LMX1A: variants seen among roughly 807,000 people sequenced by gnomAD.
The protein encoded by LMX1A is LIM homeobox transcription factor 1-alpha.
A neutral mutation model predicts 49.1 loss-of-function variants in LMX1A; 15 were observed. The observed-to-expected ratio is 0.31, with a 90% CI of 0.20 to 0.47. The LOEUF (loss-of-function observed/expected upper bound fraction) is 0.47. Among genes scored for constraint, LMX1A ranks in the 20% least tolerant of loss-of-function variants. LMX1A has a pLI of 1.00. For missense variants in LMX1A, 372 were observed against 475.8 expected (o/e 0.78, Z 2.03); for synonymous variants, 167 against 185.7 (o/e 0.90, Z 0.82).
chr1:165,273,078 A>C (rs1339743385), intron 3 of LMX1A, among the ~76,000 whole-genome samples: 2 of 152,194 alleles, frequency 1.3e-5, no homozygotes, highest in Non-Finnish European at 2.9e-5. Flanking sequence ...AGGAGCTCTA[A>C]GTGCTCTCCT....
chr1:165,286,543 T>G (rs1654308767), intron 3 of LMX1A, among the ~76,000 whole-genome samples: 1 of 152,180 alleles, frequency 6.6e-6, no homozygotes, highest in Non-Finnish European at 1.5e-5. Flanking sequence ...TGTGCCTCAG[T>G]TTCCCCTGAT....
intron 3 of LMX1A, among the ~76,000 whole-genome samples, chr1:165,251,841 C>A (rs1346116683): frequency 6.6e-6 from 1 of 152,172 alleles, no homozygotes; most frequent in Non-Finnish European, 1.5e-5. Context: ...CAGGAACTAT[C>A]TCTGTGGGTC....
In LMX1A at chr1:165,327,194, A is replaced by G. The variant is rs535411798; in HGVS notation, c.263+25882T>C. 5.3e-5 allele frequency among the ~76,000 whole-genome samples: 8 copies of G among 152,300 alleles called. 1 individual carries two copies. The highest frequency in any genetic ancestry group is 1.9e-4 in the African/African-American group (8 of 41,568). On this transcript the variant is annotated intron_variant, in intron 3 of 8. Coordinates refer to ENST00000342310, the MANE Select transcript of LMX1A (RefSeq NM_177398.4). The stretch of plus-strand genomic sequence containing the variant: ...GTTCATTGGCTGGAAGAAGGTAGGC[A>G]AAAGAGATATAAGGAGAGGACTGTG...
At chr1:165,304,734 T>A (rs1006757633) in intron 3 of LMX1A, among the ~76,000 whole-genome samples, 3 of 152,196 alleles carry the variant, frequency 2.0e-5, no homozygotes, top group Non-Finnish European at 4.4e-5. Flanking sequence ...CACCTGCTAG[T>A]CCCTGTCTGG....
At chr1:165,318,783 G>A (rs1187902968) in intron 3 of LMX1A, among the ~76,000 whole-genome samples, 1 of 152,102 alleles carries the variant, frequency 6.6e-6, no homozygotes, top group Non-Finnish European at 1.5e-5. Flanking sequence ...TGAGAATAAA[G>A]ACCTATGTGC....
chr1:165,215,037 G>A (rs1165178510), intron 4 of LMX1A, among the ~76,000 whole-genome samples: 1 of 152,110 alleles, frequency 6.6e-6, no homozygotes, highest in Admixed American at 6.5e-5. Flanking sequence ...CCATAGGCAG[G>A]CCGGGTGTGG....
chr1:165,231,364 T>A (rs1298608003), intron 4 of LMX1A, among the ~76,000 whole-genome samples: 2 of 151,954 alleles, frequency 1.3e-5, no homozygotes, highest in Non-Finnish European at 2.9e-5. Context: ...AGTGCAGTGG[T>A]GCCATCATAG....
chr1:165,259,524 C>G (rs562256214), intron 3 of LMX1A, among the ~76,000 whole-genome samples: 104 of 152,360 alleles, frequency 6.8e-4, no homozygotes, highest in South Asian at 2.1e-3. Context: ...ACAGAGGCTG[C>G]TGACTATTGT....
intron 3 of LMX1A, among the ~76,000 whole-genome samples, chr1:165,332,444 C>T (rs1469208458): frequency 6.6e-6 from 1 of 152,078 alleles, no homozygotes; most frequent in Non-Finnish European, 1.5e-5. Flanking sequence ...GCAATCTTTC[C>T]TATTTTTAAC....
At chr1:165,252,536 A>G (rs1171660824) in intron 3 of LMX1A, among the ~76,000 whole-genome samples, 1 of 152,246 alleles carries the variant, frequency 6.6e-6, no homozygotes, top group East Asian at 1.9e-4. Context: ...TCATTTTACT[A>G]TTTCCAAAAT....
intron 3 of LMX1A, among the ~76,000 whole-genome samples, chr1:165,290,441 C>CAT (rs1553209521): frequency 2.0e-5 from 3 of 149,872 alleles, no homozygotes; most frequent in Admixed American, 1.3e-4. Flanking sequence ...ACATTGCCTT[C>CAT]GTGTGTGTGT....
At chr1:165,313,471 CTTTT>C (rs34912339) in intron 3 of LMX1A, among the ~76,000 whole-genome samples, 4 of 114,826 alleles carry the variant, frequency 3.5e-5, no homozygotes, top group Admixed American at 9.4e-5. Flanking sequence ...CACCTTCTTC[CTTTT>C]TTTTTTTTTT....
chr1:165,295,981 G>C (rs998525811), intron 3 of LMX1A, among the ~76,000 whole-genome samples: 1 of 152,156 alleles, frequency 6.6e-6, no homozygotes, highest in Non-Finnish European at 1.5e-5. Context: ...TCTTTGGCCA[G>C]AAAAGGTTTG....
chr1:165,260,900 C>T (rs1557866261), intron 3 of LMX1A, among the ~76,000 whole-genome samples: 1 of 152,158 alleles, frequency 6.6e-6, no homozygotes, highest in Non-Finnish European at 1.5e-5. Flanking sequence ...TCCAGAATGC[C>T]TTTAGTTCAA....
intron 3 of LMX1A, among the ~76,000 whole-genome samples, chr1:165,265,185 C>G (rs1653581363): frequency 1.4e-5 from 2 of 143,644 alleles, no homozygotes; most frequent in Non-Finnish European, 3.0e-5. Flanking sequence ...GCCTGGGCGA[C>G]AGTGAGCGAC....
intron 3 of LMX1A, among the ~76,000 whole-genome samples, chr1:165,311,795 G>A (rs1441614937): frequency 6.6e-6 from 1 of 152,176 alleles, no homozygotes; most frequent in Admixed American, 6.5e-5. Flanking sequence ...GAAGGATGAT[G>A]GGGCAAATTT....
chr1:165,230,487 G>A (rs1239343672), intron 4 of LMX1A, among the ~76,000 whole-genome samples: 1 of 152,106 alleles, frequency 6.6e-6, no homozygotes, highest in East Asian at 1.9e-4. Flanking sequence ...TTTTCCTGGT[G>A]GCAGGAACAT....
At chr1:165,219,797 G>A (rs1034958211) in intron 4 of LMX1A, among the ~76,000 whole-genome samples, 1 of 152,198 alleles carries the variant, frequency 6.6e-6, no homozygotes, top group Non-Finnish European at 1.5e-5. Flanking sequence ...GTGGAGCACT[G>A]CACAGGGACA....
At chr1:165,267,054 T>G (rs1309138026) in intron 3 of LMX1A, among the ~76,000 whole-genome samples, 1 of 152,128 alleles carries the variant, frequency 6.6e-6, no homozygotes, top group Non-Finnish European at 1.5e-5. Flanking sequence ...TTCTATGATA[T>G]TCAGTACATT....
Sources: allele counts gnomAD v4.1 joint callset (sites outside exome capture counted in the v4.1 genomes callset), GRCh38; gene constraint gnomAD v4.1.1; transcripts MANE v1.5; gene names NCBI Gene and HGNC (gene_info 2026-07-23, HGNC 2026-07-21).